The following MAML2 variants were observed in gnomAD, a reference collection of about 807,000 sequenced individuals.
MAML2 encodes mastermind-like protein 2.
A neutral mutation model predicts 96.1 loss-of-function variants in MAML2; 22 were observed. The ratio of observed to expected loss-of-function variants is 0.23; its 90% CI spans 0.16 to 0.33. MAML2 has a LOEUF of 0.33. Among genes scored for constraint, MAML2 ranks in the 10% least tolerant of loss-of-function variants. The pLI is 1.00. For synonymous variants in MAML2, 561 were observed against 521.3 expected (o/e 1.08, Z -1.04); for missense variants, 1,367 against 1,392.4 (o/e 0.98, Z 0.29).
chr11:96,143,101 T>C (rs1448826625), intron 1 of MAML2, among the ~76,000 whole-genome samples: 2 of 152,204 alleles, frequency 1.3e-5, no homozygotes. Flanking sequence ...AAGCAGGCAT[T>C]GTCTCTCTTT....
At chr11:96,280,690 A>T (rs557211970) in intron 1 of MAML2, among the ~76,000 whole-genome samples, 1 of 152,344 alleles carries the variant, frequency 6.6e-6, no homozygotes, top group South Asian at 2.1e-4. Context: ...AGACTACCAC[A>T]CAATAGCCAG....
intron 2 of MAML2, among the ~76,000 whole-genome samples, chr11:96,005,665 G>A (rs1038683441): frequency 3.2e-4 from 49 of 152,182 alleles, no homozygotes; most frequent in African/African-American, 1.2e-3. Context: ...CTTGGGAATG[G>A]AAATGTTGAA....
chr11:96,163,062 A>G (rs1861138019), intron 1 of MAML2, among the ~76,000 whole-genome samples: 1 of 152,170 alleles, frequency 6.6e-6, no homozygotes, highest in Non-Finnish European at 1.5e-5. Context: ...CATTACTCAC[A>G]TTACTCCTAT....
chr11:96,222,999 G>A (rs1862161577), intron 1 of MAML2, among the ~76,000 whole-genome samples: 1 of 152,028 alleles, frequency 6.6e-6, no homozygotes, highest in African/African-American at 2.4e-5. Flanking sequence ...TAGCACAAAA[G>A]CTAACCTTTA....
intron 1 of MAML2, among the ~76,000 whole-genome samples, chr11:96,267,426 A>T (rs1225057672): frequency 2.0e-5 from 3 of 152,250 alleles, no homozygotes. Context: ...AGCTAGGGGA[A>T]AAAAGAAAAA....
intron 1 of MAML2, among the ~76,000 whole-genome samples, chr11:96,285,631 A>C (rs1863127876): frequency 1.3e-5 from 2 of 152,128 alleles, no homozygotes; most frequent in South Asian, 4.1e-4. Flanking sequence ...CAAGAAAAAA[A>C]CCCCAAACAA....
intron 1 of MAML2, among the ~76,000 whole-genome samples, chr11:96,098,903 G>A (rs2135819243): frequency 6.6e-6 from 1 of 152,306 alleles, no homozygotes; most frequent in South Asian, 2.1e-4. Flanking sequence ...AAACTTTCTG[G>A]AGGGATTTGA....
At chr11:95,984,256 T>C (rs1380849677) in intron 4 of MAML2, among the ~76,000 whole-genome samples, 1 of 152,198 alleles carries the variant, frequency 6.6e-6, no homozygotes, top group Non-Finnish European at 1.5e-5. Context: ...TAGGTTTGTA[T>C]AAGTACACTT....
At chr11:96,316,979 G>T (rs1863641709) in intron 1 of MAML2, among the ~76,000 whole-genome samples, 1 of 152,140 alleles carries the variant, frequency 6.6e-6, no homozygotes, top group African/African-American at 2.4e-5. Flanking sequence ...TCCCCACTCT[G>T]GTGGACACTT....
At chr11:96,003,815 C>T (rs1025946262) in intron 2 of MAML2, among the ~76,000 whole-genome samples, 1 of 151,940 alleles carries the variant, frequency 6.6e-6, no homozygotes, top group Non-Finnish European at 1.5e-5. Flanking sequence ...TAACACAAGG[C>T]ATTAGATTAA....
At chr11:96,280,047 G>C (rs1046961852) in intron 1 of MAML2, among the ~76,000 whole-genome samples, 5 of 151,924 alleles carry the variant, frequency 3.3e-5, no homozygotes, top group Non-Finnish European at 1.5e-5. Context: ...TTTTTATATA[G>C]CTCCATATAG....
intron 1 of MAML2, among the ~76,000 whole-genome samples, chr11:96,280,961 G>A (rs1863055846): frequency 6.6e-6 from 1 of 152,144 alleles, no homozygotes; most frequent in African/African-American, 2.4e-5. Flanking sequence ...CAATGTATAT[G>A]TATATCAGTT....
chr11:96,228,733 TG>T (rs945089495), intron 1 of MAML2, among the ~76,000 whole-genome samples: 13 of 152,138 alleles, frequency 8.5e-5, no homozygotes, highest in Non-Finnish European at 1.6e-4. Context: ...GGACCCTCAC[TG>T]TATTTATAAA....
chr11:96,054,468 G>A (rs1859032301), intron 2 of MAML2, among the ~76,000 whole-genome samples: 3 of 152,164 alleles, frequency 2.0e-5, no homozygotes, highest in African/African-American at 2.4e-5. Context: ...CAATTTCTAA[G>A]GGAGGTTGGA....
intron 1 of MAML2, among the ~76,000 whole-genome samples, chr11:96,190,550 T>A (rs934977459): frequency 6.6e-6 from 1 of 152,200 alleles, no homozygotes; most frequent in African/African-American, 2.4e-5. Flanking sequence ...TTTGTGTTGA[T>A]GACTTAGTGA....
At chr11:96,198,744 C>T (rs1214826270) in intron 1 of MAML2, among the ~76,000 whole-genome samples, 2 of 152,002 alleles carry the variant, frequency 1.3e-5, no homozygotes, top group Non-Finnish European at 2.9e-5. Context: ...TCCCTTCTTC[C>T]CTTCTTCATG....
intron 1 of MAML2, among the ~76,000 whole-genome samples, chr11:96,230,222 T>C (rs757143090): frequency 6.6e-6 from 1 of 152,130 alleles, no homozygotes; most frequent in Non-Finnish European, 1.5e-5. Context: ...AGAATATGAG[T>C]ATGATGATGA....
intron 1 of MAML2, among the ~76,000 whole-genome samples, chr11:96,132,471 A>C (rs556864439): frequency 1.3e-5 from 2 of 152,352 alleles, no homozygotes; most frequent in East Asian, 3.9e-4. Flanking sequence ...ATAAAGTTAT[A>C]GAGTAATTCT....
chr11:96,289,593 T>A (rs1863182988), intron 1 of MAML2, among the ~76,000 whole-genome samples: 1 of 152,224 alleles, frequency 6.6e-6, no homozygotes, highest in Non-Finnish European at 1.5e-5. Flanking sequence ...ATGTTTATAA[T>A]CATTAAACAT....
Sources: gnomAD v4.1 joint callset for allele counts (sites outside exome capture counted in the v4.1 genomes callset) on GRCh38, gnomAD v4.1.1 for gene constraint, MANE v1.5 for transcripts, NCBI Gene and HGNC (gene_info 2026-07-23, HGNC 2026-07-21) for gene names.